The following TLL2 variants were observed in gnomAD, a reference collection of about 807,000 sequenced individuals.
TLL2 encodes tolloid like 2, also known as tolloid-like protein 2.
TLL2 carries 106 observed loss-of-function variants against 123.0 expected under a neutral mutation model. The observed-to-expected ratio is 0.86, with a 90% confidence interval of 0.74 to 1.01. The LOEUF is 1.01. TLL2 is among the 50% of genes least tolerant of loss of function. TLL2 has a pLI of 0.00. For synonymous variants in TLL2, 494 were observed against 516.8 expected, an observed-to-expected ratio of 0.96 and a Z score of 0.60; for missense variants, 1,332 against 1,336.7, an observed-to-expected ratio of 1.00 and a Z score of 0.06.
intron 13 of TLL2, among the ~76,000 whole-genome samples, chr10:96,394,077 C>T (rs1846315263): frequency 6.6e-6 from 1 of 152,120 alleles, no homozygotes; most frequent in South Asian, 2.1e-4. Flanking sequence ...AGGCTGTTCA[C>T]GTAGAACCTG....
intron 5 of TLL2, among the ~76,000 whole-genome samples, chr10:96,428,174 C>T (rs762206152): frequency 6.6e-6 from 1 of 152,202 alleles, no homozygotes; most frequent in Non-Finnish European, 1.5e-5. Context: ...TAACAGATAA[C>T]TTTAGTCATA....
intron 2 of TLL2, among the ~76,000 whole-genome samples, chr10:96,462,330 A>T (rs1847088454): frequency 6.6e-6 from 1 of 152,208 alleles, no homozygotes. Flanking sequence ...AGTGCAGAAT[A>T]TTCAGTGAGG....
At chr10:96,473,552 A>C (rs759319096) in intron 2 of TLL2, among the ~76,000 whole-genome samples, 22 of 152,096 alleles carry the variant, frequency 1.4e-4, no homozygotes, top group Non-Finnish European at 3.1e-4. Flanking sequence ...CAATACCTAA[A>C]CTGTTGGGGT....
At chr10:96,449,601 T>G (rs1316715352) in intron 2 of TLL2, among the ~76,000 whole-genome samples, 1 of 152,198 alleles carries the variant, frequency 6.6e-6, no homozygotes, top group Admixed American at 6.5e-5. Context: ...CATCTCCTGA[T>G]GAAAACCCTT....
intron 8 of TLL2, 64 bp from the exon 9 acceptor site, chr10:96,410,538 G>T (rs761957529): frequency 9.9e-6 from 13 of 1,313,238 alleles, no homozygotes; most frequent in Admixed American, 1.8e-5. Flanking sequence ...AGCAGCTCCC[G>T]CACGGGGCAG....
intron 2 of TLL2, among the ~76,000 whole-genome samples, chr10:96,479,796 T>C (rs1398779042): frequency 6.6e-6 from 1 of 152,250 alleles, no homozygotes; most frequent in Non-Finnish European, 1.5e-5. Context: ...CTCCAGTGAC[T>C]TGTACCTTAC....
chr10:96,437,638 A>C (rs1315670328), intron 3 of TLL2, among the ~76,000 whole-genome samples: 2 of 152,226 alleles, frequency 1.3e-5, no homozygotes, highest in Non-Finnish European at 2.9e-5. Context: ...ATATCATATA[A>C]ATAGAATCAT....
intron 2 of TLL2, among the ~76,000 whole-genome samples, chr10:96,471,480 T>G (rs977729804): frequency 6.6e-6 from 1 of 151,920 alleles, no homozygotes; most frequent in Non-Finnish European, 1.5e-5. Context: ...TTAGGAAGCA[T>G]GGGATTTGGG....
In TLL2 at chr10:96,370,396, C is replaced by T. The variant is rs575431846; in HGVS notation, c.2663-81G>A. 44 of 1,479,110 alleles carry T rather than the reference C, an allele frequency of 3.0e-5. 1 individual carries two copies. In the East Asian group the frequency reaches 9.0e-4, roughly 30 times the overall value. The allele number at this position is 1,479,110 out of a possible 1,614,324, so 91.6% of individuals were successfully genotyped here. ...GCCTGCGTCTGCTCGGCTTTCTCTA[C>T]AGAGCCTGGTGCGTGCCTGGCAGGA... On this transcript the variant is annotated intron_variant, in intron 19 of 20. Coordinates refer to ENST00000357947, the MANE Select transcript of TLL2 (RefSeq NM_012465.4).
intron 3 of TLL2, among the ~76,000 whole-genome samples, chr10:96,442,306 C>T (rs184928917): frequency 6.6e-6 from 1 of 152,248 alleles, no homozygotes; most frequent in Non-Finnish European, 1.5e-5. Flanking sequence ...CCTGCCTGGG[C>T]GGTCTCTTTT....
chr10:96,468,097 C>A (rs1564913135), intron 2 of TLL2, among the ~76,000 whole-genome samples: 2 of 152,202 alleles, frequency 1.3e-5, no homozygotes, highest in East Asian at 1.9e-4. Flanking sequence ...TCGCCCATCA[C>A]CTCCCCAAAC....
intron 1 of TLL2, among the ~76,000 whole-genome samples, chr10:96,503,185 A>G (rs375947821): frequency 6.6e-6 from 1 of 152,156 alleles, no homozygotes; most frequent in East Asian, 1.9e-4. Flanking sequence ...GTATCCCAGG[A>G]GAACTCTTAG....
chr10:96,427,475 T>A (rs1384820193), intron 5 of TLL2, among the ~76,000 whole-genome samples: 4 of 152,218 alleles, frequency 2.6e-5, no homozygotes. Context: ...TTGAATTCCC[T>A]GGGGCTTGTT....
chr10:96,439,802 C>T (rs1846833573), intron 3 of TLL2, among the ~76,000 whole-genome samples: 1 of 152,154 alleles, frequency 6.6e-6, no homozygotes, highest in Non-Finnish European at 1.5e-5. Flanking sequence ...AGAAGTCATA[C>T]ACTTGCAGTG....
At chr10:96,431,268 C>CT (rs5787185) in intron 4 of TLL2, among the ~76,000 whole-genome samples, 95,981 of 151,934 alleles carry the variant, frequency 0.63, 30,563 homozygotes, top group East Asian at 0.75. Flanking sequence ...TCTTAGTCAT[C>CT]TTTTTTACCA....
chr10:96,417,189 G>A (rs1029007578), intron 7 of TLL2, among the ~76,000 whole-genome samples: 6 of 152,208 alleles, frequency 3.9e-5, no homozygotes, highest in Admixed American at 2.0e-4. Context: ...CCAACATGAG[G>A]TACAGGCCAG....
chr10:96,421,123 A>G, intron 6 of TLL2, 62 bp from the exon 7 acceptor site: 1 of 1,287,008 alleles, frequency 7.8e-7, no homozygotes, highest in Non-Finnish European at 1.1e-6. Flanking sequence ...AAGGAGGCAG[A>G]GGAAGGAGAA....
Position 96,442,477 on chromosome 10 carries a change from G to A in TLL2, c.364+3614C>T, listed in dbSNP as rs147914555. ...GAAGGATGGAGGGACTGGTTAGAACGGCCTGCCCTCACCTCACTTCGAGAT... is the reference window on the plus strand; with the variant it reads ...GAAGGATGGAGGGACTGGTTAGAACAGCCTGCCCTCACCTCACTTCGAGAT... On this transcript the variant is annotated intron_variant, in intron 3 of 20. Transcript: ENST00000357947. 2.0e-4 allele frequency among the ~76,000 whole-genome samples: 31 copies of A among 152,328 alleles called. No individual in the cohort carries two copies. The East Asian group carries it at 5.2e-3, about 26-fold the overall frequency.
intron 2 of TLL2, among the ~76,000 whole-genome samples, chr10:96,464,968 T>C (rs1847114264): frequency 6.6e-6 from 1 of 152,204 alleles, no homozygotes; most frequent in African/African-American, 2.4e-5. Flanking sequence ...GGTCTTTGCA[T>C]AAATGCAATA....
Sources: allele counts gnomAD v4.1 joint callset (sites outside exome capture counted in the v4.1 genomes callset), GRCh38; gene constraint gnomAD v4.1.1; transcripts MANE v1.5; gene names NCBI Gene and HGNC (gene_info 2026-07-23, HGNC 2026-07-21).